Variants in CAMTA1 observed in about 807,000 individuals in gnomAD.
CAMTA1 encodes the protein calmodulin-binding transcription activator 1.
In CAMTA1, 27 loss-of-function variants were observed where a neutral mutation model predicts 170.9. The observed-to-expected ratio is 0.16, with a 90% CI of 0.12 to 0.22. CAMTA1 has a LOEUF of 0.22. Among genes scored for constraint, CAMTA1 ranks in the 10% least tolerant of loss-of-function variants. CAMTA1 has a pLI of 1.00. For missense variants in CAMTA1, 1,619 were observed against 2,217.2 expected, an observed-to-expected ratio of 0.73 and a Z score of 5.42; for synonymous variants, 833 against 891.5, an observed-to-expected ratio of 0.93 and a Z score of 1.17.
At chr1:6,925,284 C>A (rs900910024) in intron 3 of CAMTA1, among the ~76,000 whole-genome samples, 4 of 152,250 alleles carry the variant, frequency 2.6e-5, no homozygotes, top group African/African-American at 9.6e-5. Flanking sequence ...CAAGAGCCGC[C>A]AGCAGCCCTC....
At chr1:7,601,200 C>T (rs1416795107) in intron 6 of CAMTA1, among the ~76,000 whole-genome samples, 18 of 150,246 alleles carry the variant, frequency 1.2e-4, no homozygotes, top group South Asian at 2.1e-4. Flanking sequence ...GGCTGCTGGG[C>T]GGAGACGCTC....
intron 3 of CAMTA1, among the ~76,000 whole-genome samples, chr1:6,899,758 G>A (rs1571510083): frequency 6.6e-6 from 1 of 152,200 alleles, no homozygotes; most frequent in East Asian, 1.9e-4. Flanking sequence ...GTTATATAAG[G>A]TTGTGGAATG....
chr1:7,676,339 AAC>A (rs2096120503), intron 10 of CAMTA1, among the ~76,000 whole-genome samples: 1 of 152,188 alleles, frequency 6.6e-6, no homozygotes, highest in Non-Finnish European at 1.5e-5. Flanking sequence ...CAGGGTGGAA[AAC>A]ACAGAGGAAA....
intron 6 of CAMTA1, among the ~76,000 whole-genome samples, chr1:7,582,644 G>C (rs1162218090): frequency 2.0e-5 from 3 of 152,076 alleles, no homozygotes; most frequent in Non-Finnish European, 2.9e-5. Context: ...TCTAACTCCA[G>C]CCATCGTGTC....
At position 6,813,464 on chromosome 1, in the gene CAMTA1, C is replaced by A. The variant is rs191154052; in HGVS notation, c.46-6717C>A. On this transcript the variant is annotated intron_variant, in intron 1 of 22. Transcript: ENST00000303635. ...TATCTCTGAAAACTGTTGAGTATTC[C>A]CCCTACTCCTTTTAAGTTTTTTTTT... is the stretch of plus-strand genomic sequence containing the variant. Among the ~76,000 whole-genome samples the A allele has an allele frequency of 1.9e-4, 28 of 150,818 alleles. No homozygotes were observed. In the East Asian group the frequency reaches 5.2e-3, roughly 28 times the overall value.
intron 5 of CAMTA1, among the ~76,000 whole-genome samples, chr1:7,307,348 A>C (rs1675752446): frequency 6.6e-6 from 1 of 151,336 alleles, no homozygotes; most frequent in Non-Finnish European, 1.5e-5. Flanking sequence ...TTTTTTCTGT[A>C]AATTTCTTAG....
intron 3 of CAMTA1, among the ~76,000 whole-genome samples, chr1:6,993,942 G>A (rs184952759): frequency 9.2e-5 from 14 of 152,134 alleles, no homozygotes; most frequent in African/African-American, 3.4e-4. Flanking sequence ...TTAATTGAAT[G>A]TATTAAAAAT....
Position 7,516,450 on chromosome 1 carries a change from T to C in CAMTA1, c.510+48549T>C, listed in dbSNP as rs566798494. ...CAGGGAGCTCACCGGCCAGAGCCAGTGCACACACGCCCCTCTGCTGGCTGG... is the reference window on the plus strand; with the variant it reads ...CAGGGAGCTCACCGGCCAGAGCCAGCGCACACACGCCCCTCTGCTGGCTGG... On this transcript the variant is annotated intron_variant, in intron 6 of 22. Transcript: ENST00000303635. Among the ~76,000 whole-genome samples the C allele has an allele frequency of 3.7e-3, 559 of 152,290 alleles. 2 individuals carry two copies. The highest frequency in any genetic ancestry group is 6.3e-3 in the Non-Finnish European group (429 of 68,028).
chr1:6,951,856 A>G (rs1019220065), intron 3 of CAMTA1, among the ~76,000 whole-genome samples: 9 of 152,276 alleles, frequency 5.9e-5, no homozygotes, highest in Middle Eastern at 3.4e-3. Flanking sequence ...GTGAGGGTGC[A>G]TGCAAACTGT....
chr1:7,291,251 C>A (rs894931551), intron 5 of CAMTA1, among the ~76,000 whole-genome samples: 1 of 152,074 alleles, frequency 6.6e-6, no homozygotes, highest in East Asian at 1.9e-4. Context: ...TGGACTCTGG[C>A]AGGATCATCC....
intron 22 of CAMTA1, among the ~76,000 whole-genome samples, chr1:7,756,124 G>GT (rs563031574): frequency 0.021 from 2,972 of 144,810 alleles, 77 homozygotes; most frequent in African/African-American, 0.063. Context: ...TCGTACTAGG[G>GT]TTTTTTTTTT....
At chr1:7,601,670 C>T (rs536925140) in intron 6 of CAMTA1, among the ~76,000 whole-genome samples, 60 of 152,134 alleles carry the variant, frequency 3.9e-4, no homozygotes, top group African/African-American at 1.2e-3. Context: ...TGAGTGAACG[C>T]GACTCCGTCT....
At chr1:7,639,103 C>T (rs1424144576) in intron 6 of CAMTA1, among the ~76,000 whole-genome samples, 3 of 152,138 alleles carry the variant, frequency 2.0e-5, no homozygotes, top group African/African-American at 7.2e-5. Flanking sequence ...CTCAGCCTCC[C>T]AAGTCGCTGG....
intron 6 of CAMTA1, among the ~76,000 whole-genome samples, chr1:7,492,612 C>A (rs555594425): frequency 2.0e-5 from 2 of 101,968 alleles, no homozygotes; most frequent in African/African-American, 1.1e-4. Context: ...CACACACACA[C>A]AAATGTACAT....
In CAMTA1 at chr1:6,971,343, A is replaced by G. The variant is rs755757808; in HGVS notation, c.235-119961A>G. On this transcript the variant is annotated intron_variant, in intron 3 of 22. Coordinates refer to ENST00000303635, the MANE Select transcript of CAMTA1 (RefSeq NM_015215.4). The surrounding 1 kb of genome is among the most constrained non-coding windows in gnomAD (Gnocchi z 4.6). ...GCAGCACGCTTATAAAAAGGTAATC[A>G]AATAGCAGACGATCGGATTGTATCC... is the stretch of plus-strand genomic sequence containing the variant. Among the ~76,000 whole-genome samples the G allele has an allele frequency of 8.5e-5, 13 of 152,194 alleles. No homozygotes were observed. The highest frequency in any genetic ancestry group is 1.5e-4 in the Non-Finnish European group (10 of 68,042).
chr1:7,330,991 G>A (rs1229726128), intron 5 of CAMTA1, among the ~76,000 whole-genome samples: 1 of 152,154 alleles, frequency 6.6e-6, no homozygotes, highest in Non-Finnish European at 1.5e-5. Context: ...CCTGTAATCA[G>A]CACTTTGGGA....
Position 6,811,757 on chromosome 1 carries a change from C to G in CAMTA1, c.46-8424C>G, listed in dbSNP as rs536718501. Among the ~76,000 whole-genome samples, 46 of 152,320 alleles carry G rather than the reference C, an allele frequency of 3.0e-4. 1 individual carries two copies. The Middle Eastern group carries it at 0.024, about 79-fold the overall frequency. Reference sequence around the variant, plus strand: ...TTGGCCTTCAGAGTGTTCTTGGCTTCCTTCCTAGTTCTGGCTGTGTTCGGA... The same window carrying G: ...TTGGCCTTCAGAGTGTTCTTGGCTTGCTTCCTAGTTCTGGCTGTGTTCGGA... On this transcript the variant is annotated intron_variant, in intron 1 of 22. Coordinates refer to ENST00000303635, the MANE Select transcript of CAMTA1 (RefSeq NM_015215.4).
chr1:7,392,143 G>A (rs957536319), intron 5 of CAMTA1, among the ~76,000 whole-genome samples: 1 of 152,172 alleles, frequency 6.6e-6, no homozygotes, highest in Admixed American at 6.5e-5. Context: ...GTTTTAGTTG[G>A]CTGGGCACTG....
intron 22 of CAMTA1, among the ~76,000 whole-genome samples, chr1:7,758,595 A>G (rs377713948): frequency 9.2e-5 from 14 of 152,344 alleles, no homozygotes; most frequent in South Asian, 4.1e-4. Context: ...GAGGCAGAGC[A>G]TTCTCTGAGG....
Sources: gnomAD v4.1 joint callset for allele counts (sites outside exome capture counted in the v4.1 genomes callset) on GRCh38, gnomAD v4.1.1 for gene constraint, Gnocchi (gnomAD v3.1) non-coding constraint, MANE v1.5 for transcripts, NCBI Gene and HGNC (gene_info 2026-07-23, HGNC 2026-07-21) for gene names.